The following SEPTIN9 variants were observed in gnomAD, a reference collection of about 807,000 sequenced individuals.
The protein encoded by SEPTIN9 is septin-9.
SEPTIN9 carries 13 observed loss-of-function variants against 56.6 expected under a neutral mutation model. The observed-to-expected ratio is 0.23, with a 90% CI of 0.15 to 0.37. SEPTIN9 has a LOEUF of 0.37. Ranked by LOEUF, SEPTIN9 falls within the 10% of genes least tolerant of loss-of-function variation. The probability of loss-of-function intolerance (pLI) is 1.00; values close to 1 mark genes in which losing one functional copy is unlikely to be tolerated. For synonymous variants in SEPTIN9, 332 were observed against 334.1 expected (o/e 0.99, Z 0.07); for missense variants, 650 against 823.1 (o/e 0.79, Z 2.57).
At chr17:77,482,389 C>T (rs779565273) in intron 4 of SEPTIN9, 54 bp downstream of exon 4, 11 of 1,569,810 alleles carry the variant, frequency 7.0e-6, no homozygotes, top group Non-Finnish European at 9.5e-6. Context: ...AGCCTCAGCC[C>T]CCAGGGCGGC....
rs2033288041 is a variant in SEPTIN9, at chr17:77,330,026, C to T, written c.76+22829C>T. ...GCCCCCGCTCCATCCCCAGCTGGGG[C>T]TCCCTGTGCTCACCTTCTGCTTCCT... On this transcript the variant is annotated intron_variant, in intron 2 of 11. Coordinates refer to ENST00000427177, the MANE Select transcript of SEPTIN9 (RefSeq NM_001113491.2). This position sits in a 1 kb window ranked among gnomAD's most constrained non-coding sequence, Gnocchi z 4.4. 6.6e-6 allele frequency among the ~76,000 whole-genome samples: 1 copy of T among 152,212 alleles called. No homozygotes were observed. The highest frequency in any genetic ancestry group is 1.5e-5 in the Non-Finnish European group (1 of 68,034).
chr17:77,318,356 C>T lies in SEPTIN9; in HGVS notation c.76+11159C>T, dbSNP rs1478520960. Among the ~76,000 whole-genome samples, 1 of 152,106 alleles carries T rather than the reference C, an allele frequency of 6.6e-6. No homozygotes were observed. Among genetic ancestry groups the T allele is most frequent in the African/African-American group, 2.4e-5 (1 of 41,406 alleles). On this transcript the variant is annotated intron_variant, in intron 2 of 11. Transcript: ENST00000427177. This position sits in a 1 kb window ranked among gnomAD's most constrained non-coding sequence, Gnocchi z 4.9. ...CCTCTGCCCCCGTCTTGTATGAGCA[C>T]CGAGACTGCCTTTAGGGACCACCTA...
At chr17:77,441,257 T>G (rs1168163886) in intron 3 of SEPTIN9, among the ~76,000 whole-genome samples, 1 of 152,082 alleles carries the variant, frequency 6.6e-6, no homozygotes. Flanking sequence ...CCGGCCTGCT[T>G]CCCTCCCAGA....
intron 3 of SEPTIN9, among the ~76,000 whole-genome samples, chr17:77,467,271 G>A (rs771664646): frequency 6.6e-6 from 1 of 152,226 alleles, no homozygotes; most frequent in East Asian, 1.9e-4. Context: ...CTGCCTCAGC[G>A]TGGGGAGTGG....
At chr17:77,467,778 C>T (rs910921094) in intron 3 of SEPTIN9, among the ~76,000 whole-genome samples, 7 of 152,208 alleles carry the variant, frequency 4.6e-5, no homozygotes, top group Non-Finnish European at 5.9e-5. Flanking sequence ...CCGGGGTAGA[C>T]GGGAACCGTG....
intron 3 of SEPTIN9, among the ~76,000 whole-genome samples, chr17:77,460,796 G>A (rs1352227594): frequency 6.6e-6 from 1 of 152,188 alleles, no homozygotes; most frequent in East Asian, 1.9e-4. Context: ...GTGGGGTGCC[G>A]AGTGGGGTGT....
chr17:77,285,553 G>A (rs2031236163), intron 1 of SEPTIN9, among the ~76,000 whole-genome samples: 1 of 151,962 alleles, frequency 6.6e-6, no homozygotes, highest in Non-Finnish European at 1.5e-5. Flanking sequence ...ATGTGCCACC[G>A]TGCCCAGCTA....
At chr17:77,414,508 C>G (rs1001780965) in intron 3 of SEPTIN9, among the ~76,000 whole-genome samples, 3 of 151,726 alleles carry the variant, frequency 2.0e-5, no homozygotes, top group African/African-American at 7.3e-5. Flanking sequence ...AAGAAGAAAC[C>G]CCGTAGCCTT....
At position 77,421,096 on chromosome 17, in the gene SEPTIN9, G is replaced by T. The variant is rs1400268523; in HGVS notation, c.721+18393G>T. On this transcript the variant is annotated intron_variant, in intron 3 of 11. Coordinates refer to ENST00000427177, the MANE Select transcript of SEPTIN9 (RefSeq NM_001113491.2). This position sits in a 1 kb window ranked among gnomAD's most constrained non-coding sequence, Gnocchi z 4.6. Reference sequence around the variant, plus strand: ...GAGCTCTGCCGTCGCTGACTCCCGGGCTACCTGGAGTGATAACACAGCCCA... The same window carrying T: ...GAGCTCTGCCGTCGCTGACTCCCGGTCTACCTGGAGTGATAACACAGCCCA... Among the ~76,000 whole-genome samples, 1 of 152,180 alleles carries T rather than the reference G, an allele frequency of 6.6e-6. No individual in the cohort carries two copies. The highest frequency in any genetic ancestry group is 1.5e-5 in the Non-Finnish European group (1 of 68,028).
intron 2 of SEPTIN9, chr17:77,376,116 T>C: frequency 2.0e-6 from 2 of 983,734 alleles, no homozygotes; most frequent in South Asian, 4.7e-5. Flanking sequence ...TGAGGGAGAG[T>C]AGGAATTGGA....
Position 77,369,405 on chromosome 17 carries a change from A to T in SEPTIN9, c.77-32654A>T, listed in dbSNP as rs2034656571. Among the ~76,000 whole-genome samples, 1 of 152,146 alleles carries T rather than the reference A, an allele frequency of 6.6e-6. No homozygotes were observed. The highest frequency in any genetic ancestry group is 2.4e-5 in the African/African-American group (1 of 41,414). The stretch of plus-strand genomic sequence containing the variant: ...AGGAGGGAGGTTCAGACTGATTCGC[A>T]GAGAGACTAGAGGTAGAAACGCACC... On this transcript the variant is annotated intron_variant, in intron 2 of 11. Transcript: ENST00000427177. This position sits in a 1 kb window ranked among gnomAD's most constrained non-coding sequence, Gnocchi z 4.9.
chr17:77,329,085 C>T lies in SEPTIN9; in HGVS notation c.76+21888C>T, dbSNP rs573763642. 2.6e-5 allele frequency among the ~76,000 whole-genome samples: 4 copies of T among 152,276 alleles called. No homozygotes were observed. In the East Asian group the frequency reaches 7.7e-4, roughly 29 times the overall value. ...GAGACGGGCCATGGTGACACCAATG[C>T]GACAGGCAGGGCCAGGTCGTGCCGG... On this transcript the variant is annotated intron_variant, in intron 2 of 11. Coordinates refer to ENST00000427177, the MANE Select transcript of SEPTIN9 (RefSeq NM_001113491.2). This position sits in a 1 kb window ranked among gnomAD's most constrained non-coding sequence, Gnocchi z 4.3.
rs559335703 is a variant in SEPTIN9 at position 77,454,411 on chromosome 17, A to C, written c.722-27733A>C. On this transcript the variant is annotated intron_variant, in intron 3 of 11. Transcript: ENST00000427177. ...CAGCAGAGCCTTGGGAAGCTTTCCCAGGAGGGCTCCCGAGGGTGGCGGCCA... is the reference window on the plus strand; with the variant it reads ...CAGCAGAGCCTTGGGAAGCTTTCCCCGGAGGGCTCCCGAGGGTGGCGGCCA... 2.4e-5 allele frequency: 24 copies of C among 982,670 alleles called. 1 individual carries two copies. In the African/African-American group the frequency reaches 4.2e-4, roughly 17 times the overall value. The allele number at this position is 982,670 out of a possible 1,614,324, so 60.9% of individuals were successfully genotyped here.
intron 3 of SEPTIN9, among the ~76,000 whole-genome samples, chr17:77,440,535 C>A (rs1430831224): frequency 6.6e-6 from 1 of 152,236 alleles, no homozygotes; most frequent in Non-Finnish European, 1.5e-5. Flanking sequence ...ATACATGAAG[C>A]TTGTCAGTGA....
At chr17:77,417,031 T>G (rs564224894) in intron 3 of SEPTIN9, among the ~76,000 whole-genome samples, 2 of 152,304 alleles carry the variant, frequency 1.3e-5, no homozygotes, top group South Asian at 4.1e-4. Context: ...AAACTGGGAT[T>G]TGGTACCAGA....
chr17:77,346,669 T>A (rs2033903988), intron 2 of SEPTIN9, among the ~76,000 whole-genome samples: 2 of 152,180 alleles, frequency 1.3e-5, no homozygotes, highest in South Asian at 4.1e-4. Flanking sequence ...AGTATAGAGC[T>A]TTATAACTGC....
chr17:77,286,412 C>CA (rs2031282952), intron 1 of SEPTIN9: 1 of 152,538 alleles, frequency 6.6e-6, no homozygotes, highest in African/African-American at 2.4e-5. Context: ...AACCACCCCC[C>CA]ACAAGTGTGA....
At chr17:77,455,018 C>T (rs1297699202) in intron 3 of SEPTIN9, among the ~76,000 whole-genome samples, 12 of 150,404 alleles carry the variant, frequency 8.0e-5, no homozygotes, top group African/African-American at 1.9e-4. Context: ...TCCCCCTGGC[C>T]GGCCGGCCTA....
At chr17:77,495,179 CAA>C (rs35597398) in intron 10 of SEPTIN9, among the ~76,000 whole-genome samples, 56,940 of 151,756 alleles carry the variant, frequency 0.38, 13,186 homozygotes, top group Middle Eastern at 0.53. Flanking sequence ...AGGAAATGCA[CAA>C]GAGAGAGGTC....
Sources: allele counts gnomAD v4.1 joint callset (sites outside exome capture counted in the v4.1 genomes callset), GRCh38; gene constraint gnomAD v4.1.1; non-coding constraint Gnocchi (gnomAD v3.1); transcripts MANE v1.5; gene names NCBI Gene and HGNC (gene_info 2026-07-23, HGNC 2026-07-21).